Variants in ARHGEF10 observed in about 807,000 individuals in gnomAD.
ARHGEF10 encodes Rho guanine nucleotide exchange factor 10.
Under a neutral mutation model 147.4 loss-of-function variants are expected in ARHGEF10, and 140 were observed. That is an observed-to-expected ratio of 0.95 (90% confidence interval 0.83 to 1.09). The LOEUF (loss-of-function observed/expected upper bound fraction) is 1.09, where lower values mean the gene tolerates loss of function less well. ARHGEF10 is among the 50% of genes least tolerant of loss of function. The pLI, the probability that ARHGEF10 is intolerant of heterozygous loss-of-function variation, is 0.00. For synonymous variants in ARHGEF10, 902 were observed against 695.8 expected, an observed-to-expected ratio of 1.30 and a Z score of -4.67; for missense variants, 2,222 against 1,752.7, an observed-to-expected ratio of 1.27 and a Z score of -4.78.
chr8:1,863,212 A>G (rs1269918358), intron 4 of ARHGEF10, among the ~76,000 whole-genome samples: 1 of 152,158 alleles, frequency 6.6e-6, no homozygotes, highest in Non-Finnish European at 1.5e-5. Flanking sequence ...GTGGCCCGGA[A>G]CACTGAACCA....
chr8:1,885,558 T>A (rs1178144138), intron 10 of ARHGEF10, 43 bp from the exon 11 acceptor site: 4 of 1,362,048 alleles, frequency 2.9e-6, no homozygotes, highest in Non-Finnish European at 3.1e-6. Flanking sequence ...TGTGAATATA[T>A]TATTTGAATG....
chr8:1,893,085 A>G (rs1436447714), intron 11 of ARHGEF10, among the ~76,000 whole-genome samples: 1 of 114,542 alleles, frequency 8.7e-6, no homozygotes, highest in African/African-American at 4.2e-5. Flanking sequence ...TGGTTGAAAG[A>G]TCTTTGCAAA....
intron 17 of ARHGEF10, among the ~76,000 whole-genome samples, chr8:1,908,792 GT>G (rs34125836): frequency 0.38 from 58,103 of 151,816 alleles, 11,426 homozygotes; most frequent in East Asian, 0.45. Context: ...AAGTCATAGG[GT>G]TTTTTTTCGG....
intron 13 of ARHGEF10, 87 bp downstream of exon 13, chr8:1,894,659 A>G (rs1809827986): frequency 2.0e-6 from 3 of 1,463,776 alleles, no homozygotes; most frequent in Non-Finnish European, 2.9e-6. Flanking sequence ...TTTGCCCCTG[A>G]TCTCCTGCAA....
chr8:1,935,507 A>G (rs1457267905), intron 26 of ARHGEF10, among the ~76,000 whole-genome samples: 1 of 152,092 alleles, frequency 6.6e-6, no homozygotes, highest in Non-Finnish European at 1.5e-5. Flanking sequence ...ATTTCTTCAG[A>G]TTGACAGAAG....
chr8:1,934,652 G>A (rs1813427017), intron 26 of ARHGEF10, among the ~76,000 whole-genome samples: 1 of 152,162 alleles, frequency 6.6e-6, no homozygotes, highest in Non-Finnish European at 1.5e-5. Flanking sequence ...AAAACACGGA[G>A]CTGGCTCTCA....
At chr8:1,854,993 A>T (rs1805442869) in intron 2 of ARHGEF10, among the ~76,000 whole-genome samples, 1 of 152,000 alleles carries the variant, frequency 6.6e-6, no homozygotes, top group Non-Finnish European at 1.5e-5. Flanking sequence ...GCGTATGGGG[A>T]GGGAGTGGAG....
At chr8:1,887,632 C>G (rs868191568) in intron 11 of ARHGEF10, among the ~76,000 whole-genome samples, 2 of 126,644 alleles carry the variant, frequency 1.6e-5, no homozygotes, top group Non-Finnish European at 3.3e-5. Flanking sequence ...TGTGAGGAGA[C>G]TGTGAGTGAG....
chr8:1,929,208 T>A, intron 24 of ARHGEF10, 78 bp from the exon 25 acceptor site: 1 of 1,472,618 alleles, frequency 6.8e-7, no homozygotes, highest in Non-Finnish European at 9.5e-7. Flanking sequence ...TTGAAATGTT[T>A]GTGTTTATGT....
At chr8:1,890,250 G>GAAT (rs1406967616) in intron 11 of ARHGEF10, among the ~76,000 whole-genome samples, 1 of 148,352 alleles carries the variant, frequency 6.7e-6, no homozygotes, top group African/African-American at 2.5e-5. Context: ...AGGAGGCACT[G>GAAT]AGGGTTGTGG....
At chr8:1,855,688 C>T (rs1042677298) in intron 2 of ARHGEF10, among the ~76,000 whole-genome samples, 4 of 152,106 alleles carry the variant, frequency 2.6e-5, no homozygotes, top group African/African-American at 9.7e-5. Context: ...CTGCGCCCAG[C>T]AATACATAAA....
chr8:1,912,898 C>T (rs1350791468), intron 18 of ARHGEF10, among the ~76,000 whole-genome samples: 2 of 152,194 alleles, frequency 1.3e-5, no homozygotes, highest in South Asian at 2.1e-4. Flanking sequence ...GAGCGTGAGC[C>T]GTCAGTTGCT....
Position 1,867,555 on chromosome 8 carries a change from G to A in ARHGEF10, c.622+953G>A, listed in dbSNP as rs116915853. On this transcript the variant is annotated intron_variant, in intron 6 of 28. Transcript: ENST00000349830. ...TAAAGCGAGCGCATTTCCAACACGC[G>A]GCTCCAGCTTCCGTACAATTCAGAG... Among the ~76,000 whole-genome samples, 885 of 152,210 alleles carry A rather than the reference G, an allele frequency of 5.8e-3. 58 individuals carry two copies. The East Asian group carries it at 0.14, about 24-fold the overall frequency.
chr8:1,869,416 G>A (rs1368669155), intron 7 of ARHGEF10, 166 bp downstream of exon 7: 1 of 720,016 alleles, frequency 1.4e-6, no homozygotes, highest in East Asian at 2.7e-5. Flanking sequence ...TGGTGTTTGT[G>A]CACATATGTG....
intron 2 of ARHGEF10, among the ~76,000 whole-genome samples, chr8:1,844,545 G>A (rs75100582): frequency 0.011 from 1,456 of 138,158 alleles, 6 homozygotes; most frequent in East Asian, 0.068. Flanking sequence ...GGGGGTCTGC[G>A]GTGGGGAACC....
In ARHGEF10 at chr8:1,888,171, CAGTGAGTGGGGTGAGGGTTTG is replaced by C. The variant is rs1563233684; in HGVS notation, c.1182+2465_1182+2485del. ...TAGTGGGGCGAGGGTTGCGAGGAGA[CAGTGAGTGGGGTGAGGGTTTG>C]CGAGGAGACACTTAGTGGGGCGAGG... On this transcript the variant is annotated intron_variant, in intron 11 of 28. Transcript: ENST00000349830. Among the ~76,000 whole-genome samples the C allele has an allele frequency of 1.7e-3, 107 of 64,268 alleles. 13 individuals carry two copies. Among genetic ancestry groups the C allele is most frequent in the Admixed American group, 3.6e-3 (28 of 7,736 alleles). The allele number at this position is 64,268 out of a possible 152,430, so 42.2% of individuals were successfully genotyped here.
rs1563197306 is a variant in ARHGEF10 at position 1,864,321 on chromosome 8, TG to T, written c.482-51del. The T allele has an allele frequency of 1.9e-6, 3 of 1,569,260 alleles. No homozygotes were observed. The South Asian group carries it at 3.3e-5, about 17-fold the overall frequency. On this transcript the variant is annotated intron_variant, in intron 4 of 28. Transcript: ENST00000349830. ...TTTAAGGGTAAAAACATCAACTTCA[TG>T]AGCATTTTTGTCAGGCGTAAAGCAG...
At position 1,876,425 on chromosome 8, in the gene ARHGEF10, A is replaced by G. The variant is rs1490271174; in HGVS notation, c.680-146A>G. On this transcript the variant is annotated intron_variant, in intron 7 of 28. Transcript: ENST00000349830. ...GCTGCACGGTGCCTTCCATGGAGCA[A>G]GCCCGGGGCTCCGCAGGGTCCTCAG... is the stretch of plus-strand genomic sequence containing the variant. The G allele has an allele frequency of 7.1e-6, 6 of 847,434 alleles. No individual in the cohort carries two copies. The Admixed American group carries it at 1.0e-4, about 14-fold the overall frequency. 52.5% of individuals were successfully genotyped at this position (847,434 alleles called of 1,614,324 possible). A position where few individuals can be genotyped will look rare whatever the true frequency, so the allele number is the denominator to read the frequency against.
chr8:1,886,221 G>A (rs1808644611), intron 11 of ARHGEF10, among the ~76,000 whole-genome samples: 1 of 152,204 alleles, frequency 6.6e-6, no homozygotes, highest in South Asian at 2.1e-4. Context: ...AGGGTAAAAG[G>A]AAGAGAAAAC....
Sources: gnomAD v4.1 joint callset for allele counts (sites outside exome capture counted in the v4.1 genomes callset) on GRCh38, gnomAD v4.1.1 for gene constraint, MANE v1.5 for transcripts, NCBI Gene and HGNC (gene_info 2026-07-23, HGNC 2026-07-21) for gene names.